NALF1: variants seen among roughly 807,000 people sequenced by gnomAD.
NALF1 encodes the protein NALCN channel auxiliary factor 1.
In NALF1, 3 loss-of-function variants were observed where a neutral mutation model predicts 48.4. That is an observed-to-expected ratio of 0.06 (90% CI 0.03 to 0.16). The LOEUF is 0.16. Among genes scored for constraint, NALF1 ranks in the 10% least tolerant of loss-of-function variants. NALF1 has a pLI of 1.00. For missense variants in NALF1, 526 were observed against 571.5 expected, an observed-to-expected ratio of 0.92 and a Z score of 0.81; for synonymous variants, 262 against 245.7, an observed-to-expected ratio of 1.07 and a Z score of -0.62.
chr13:107,490,764 T>C (rs1885402882), intron 1 of NALF1, among the ~76,000 whole-genome samples: 1 of 152,210 alleles, frequency 6.6e-6, no homozygotes, highest in Non-Finnish European at 1.5e-5. Context: ...ACTTGGGGTT[T>C]ACTCTTCAAG....
rs1346627551 is a variant in NALF1 at position 107,166,003 on chromosome 13, G to A, written c.*4494C>T. On this transcript the variant is annotated 3_prime_UTR_variant, in exon 3 of 3. Coordinates refer to ENST00000375915, the MANE Select transcript of NALF1 (RefSeq NM_001080396.3). ...GTTTTGGTTGAAGTTTTATTTGCAAGCGATGTGTGTGTGTGTGTGTGTGTG... is the reference window on the plus strand; with the variant it reads ...GTTTTGGTTGAAGTTTTATTTGCAAACGATGTGTGTGTGTGTGTGTGTGTG... 3 of 140,636 alleles carry A rather than the reference G, an allele frequency of 2.1e-5. No homozygotes were observed. The highest frequency in any genetic ancestry group is 4.5e-5 in the Non-Finnish European group (3 of 66,142). 8.7% of individuals were successfully genotyped at this position (140,636 alleles called of 1,614,324 possible). A position where few individuals can be genotyped will look rare whatever the true frequency, so the allele number is the denominator to read the frequency against.
chr13:107,378,910 A>T (rs1883385313), intron 1 of NALF1, among the ~76,000 whole-genome samples: 1 of 152,170 alleles, frequency 6.6e-6, no homozygotes, highest in African/African-American at 2.4e-5. Flanking sequence ...TAATATACTG[A>T]TTATCCTGAA....
intron 1 of NALF1, among the ~76,000 whole-genome samples, chr13:107,764,027 T>C (rs568316017): frequency 1.3e-5 from 2 of 152,284 alleles, no homozygotes; most frequent in African/African-American, 4.8e-5. Flanking sequence ...TCTGGGAAAG[T>C]CGACCAGGCA....
chr13:107,818,749 G>C (rs1341957909), intron 1 of NALF1, among the ~76,000 whole-genome samples: 1 of 144,478 alleles, frequency 6.9e-6, no homozygotes, highest in African/African-American at 2.8e-5. Flanking sequence ...GCGGGCGCCT[G>C]TAGTCCCAGC....
At chr13:107,187,978 C>T (rs886947592) in intron 2 of NALF1, among the ~76,000 whole-genome samples, 1 of 152,010 alleles carries the variant, frequency 6.6e-6, no homozygotes, top group Non-Finnish European at 1.5e-5. Flanking sequence ...GTGAGTATAT[C>T]TCATTTTATG....
intron 1 of NALF1, among the ~76,000 whole-genome samples, chr13:107,734,038 G>A (rs898552893): frequency 3.3e-5 from 5 of 152,148 alleles, no homozygotes; most frequent in African/African-American, 1.2e-4. Context: ...CGGCAAAACA[G>A]TGGTAAGTAT....
chr13:107,772,982 G>T (rs564743232), intron 1 of NALF1, among the ~76,000 whole-genome samples: 2 of 151,988 alleles, frequency 1.3e-5, no homozygotes, highest in East Asian at 3.9e-4. Context: ...TTGAAAAGAG[G>T]GTTTTTTTTA....
At chr13:107,786,776 C>T (rs1323759084) in intron 1 of NALF1, among the ~76,000 whole-genome samples, 1 of 152,112 alleles carries the variant, frequency 6.6e-6, no homozygotes, top group African/African-American at 2.4e-5. Context: ...GAATATATGC[C>T]TGACCTCAGG....
At chr13:107,783,102 G>A (rs1182973971) in intron 1 of NALF1, among the ~76,000 whole-genome samples, 9 of 143,044 alleles carry the variant, frequency 6.3e-5, no homozygotes, top group Admixed American at 6.2e-4. Context: ...CGCCTCGTCC[G>A]GGAGGTGAGG....
At chr13:107,348,412 T>A (rs531006387) in intron 1 of NALF1, among the ~76,000 whole-genome samples, 1 of 152,338 alleles carries the variant, frequency 6.6e-6, no homozygotes, top group East Asian at 1.9e-4. Context: ...AAAGTGCATA[T>A]AATGAAAATC....
At chr13:107,821,922 T>C (rs1448087584) in intron 1 of NALF1, among the ~76,000 whole-genome samples, 3 of 152,176 alleles carry the variant, frequency 2.0e-5, no homozygotes, top group East Asian at 3.9e-4. Flanking sequence ...TGTGAATTAA[T>C]TGGCCATGGC....
chr13:107,405,440 G>T (rs1883882786), intron 1 of NALF1, among the ~76,000 whole-genome samples: 1 of 151,928 alleles, frequency 6.6e-6, no homozygotes, highest in African/African-American at 2.4e-5. Flanking sequence ...GCCTTGAAGT[G>T]GCCTTTCTGT....
At chr13:107,596,481 C>T (rs1485665758) in intron 1 of NALF1, among the ~76,000 whole-genome samples, 3 of 152,134 alleles carry the variant, frequency 2.0e-5, no homozygotes, top group African/African-American at 4.8e-5. Flanking sequence ...CCATGGAATG[C>T]TATGTAGCCA....
chr13:107,677,728 C>T (rs775499284), intron 1 of NALF1, among the ~76,000 whole-genome samples: 21 of 151,694 alleles, frequency 1.4e-4, no homozygotes, highest in Non-Finnish European at 2.9e-4. Flanking sequence ...TTTTATCATC[C>T]ACCTATTGTT....
intron 1 of NALF1, among the ~76,000 whole-genome samples, chr13:107,359,865 C>A (rs896457202): frequency 6.6e-6 from 1 of 152,122 alleles, no homozygotes; most frequent in Non-Finnish European, 1.5e-5. Flanking sequence ...ATAATTTGTT[C>A]ATTTGCACCT....
chr13:107,641,583 G>A (rs1285542677), intron 1 of NALF1, among the ~76,000 whole-genome samples: 1 of 152,098 alleles, frequency 6.6e-6, no homozygotes, highest in Non-Finnish European at 1.5e-5. Flanking sequence ...ATAGAGATTT[G>A]GAGATAAAAA....
intron 1 of NALF1, among the ~76,000 whole-genome samples, chr13:107,686,379 TTTA>T (rs144499963): frequency 0.96 from 144,384 of 149,852 alleles, 69,776 homozygotes; most frequent in East Asian, 1. Context: ...TTATTATTTA[TTTA>T]TTATTATTAT....
chr13:107,676,100 A>G (rs1328930030), intron 1 of NALF1, among the ~76,000 whole-genome samples: 1 of 152,200 alleles, frequency 6.6e-6, no homozygotes, highest in Admixed American at 6.5e-5. Flanking sequence ...GAGCCCTAGA[A>G]AAACACTCAA....
intron 1 of NALF1, among the ~76,000 whole-genome samples, chr13:107,298,351 CAAAAAAAAAAAAAA>C (rs1192707023): frequency 0.018 from 292 of 16,630 alleles, 8 homozygotes; most frequent in African/African-American, 0.052. Flanking sequence ...GACTCCATCT[CAAAAAAAAAAAAAA>C]AAAAAAAAAA....
Sources: allele counts gnomAD v4.1 joint callset (sites outside exome capture counted in the v4.1 genomes callset), GRCh38; gene constraint gnomAD v4.1.1; transcripts MANE v1.5; gene names NCBI Gene and HGNC (gene_info 2026-07-23, HGNC 2026-07-21).